UNC13C: variants seen among roughly 807,000 people sequenced by gnomAD.
UNC13C encodes unc-13 homolog C.
A neutral mutation model predicts 245.4 loss-of-function variants in UNC13C; 174 were observed. The observed-to-expected ratio is 0.71, with a 90% CI of 0.63 to 0.80. UNC13C has a LOEUF of 0.80. Ranked by LOEUF, UNC13C falls within the 30% of genes least tolerant of loss-of-function variation. The probability of loss-of-function intolerance (pLI) is 0.00; values close to 1 mark genes in which losing one functional copy is unlikely to be tolerated. For synonymous variants in UNC13C, 992 were observed against 895.1 expected (o/e 1.11, Z -1.93); for missense variants, 2,829 against 2,602.9 (o/e 1.09, Z -1.89).
At chr15:54,630,177 C>T (rs933130099), downstream of UNC13C, 17 of 152,162 alleles carry the variant, frequency 1.1e-4, no homozygotes, top group African/African-American at 3.9e-4. Context: ...TAAAGATACA[C>T]GTGTAAATCA....
intron 4 of UNC13C, among the ~76,000 whole-genome samples, chr15:54,227,809 G>A (rs1205314151): frequency 1.3e-5 from 2 of 152,188 alleles, no homozygotes; most frequent in African/African-American, 2.4e-5. Flanking sequence ...CTTGAAGCCG[G>A]TATAGTACTG....
intron 10 of UNC13C, among the ~76,000 whole-genome samples, chr15:54,276,375 A>G (rs1596128938): frequency 6.6e-6 from 1 of 152,206 alleles, no homozygotes; most frequent in African/African-American, 2.4e-5. Flanking sequence ...CAGAGTCAGT[A>G]TTCCACTAAT....
chr15:54,568,099 A>G (rs965119162), intron 30 of UNC13C, among the ~76,000 whole-genome samples, 152 bp downstream of exon 30: 6 of 152,044 alleles, frequency 3.9e-5, no homozygotes, highest in African/African-American at 7.2e-5. Flanking sequence ...GAGAATACCA[A>G]TTTTTTTAGT....
rs555507880 is a variant in UNC13C, at chr15:54,355,452, G to GT, written c.4713+16964dup. 5.3e-3 allele frequency among the ~76,000 whole-genome samples: 811 copies of GT among 152,082 alleles called. 1 individual carries two copies. The highest frequency in any genetic ancestry group is 8.2e-3 in the Non-Finnish European group (561 of 68,002). ...GCTCACTGCAACCTCTGCCTCCCGG[G>GT]TGCAAGCTATTCTCCTGCCTCAGCC... On this transcript the variant is annotated intron_variant, in intron 17 of 32. Coordinates refer to ENST00000260323, the MANE Select transcript of UNC13C (RefSeq NM_001080534.3).
intron 17 of UNC13C, among the ~76,000 whole-genome samples, chr15:54,354,958 T>C (rs1043500043): frequency 6.6e-6 from 1 of 152,168 alleles, no homozygotes; most frequent in Non-Finnish European, 1.5e-5. Context: ...ATTTCATTTA[T>C]GAATTATTGT....
chr15:54,575,878 A>G (rs574355883), intron 30 of UNC13C, among the ~76,000 whole-genome samples: 1 of 152,292 alleles, frequency 6.6e-6, no homozygotes, highest in Non-Finnish European at 1.5e-5. Context: ...AACTGAGGAG[A>G]ATCTGTGAAA....
chr15:54,455,239 G>GATATATATAAC lies in UNC13C; in HGVS notation c.4934-39369_4934-39368insATATATATAAC, dbSNP rs1567289288. Among the ~76,000 whole-genome samples, 2 of 57,670 alleles carry GATATATATAAC rather than the reference G, an allele frequency of 3.5e-5. 1 individual carries two copies. Among genetic ancestry groups the GATATATATAAC allele is most frequent in the Non-Finnish European group, 7.0e-5 (2 of 28,374 alleles). The allele number at this position is 57,670 out of a possible 152,430, so 37.8% of individuals were successfully genotyped here. A position where few individuals can be genotyped will look rare whatever the true frequency, so the allele number is the denominator to read the frequency against. ...TATATATATATATATATATATATAT[G>GATATATATAAC]TTTTTTAATCCACTCATTGGTAGAT... On this transcript the variant is annotated intron_variant, in intron 19 of 32. Coordinates refer to ENST00000260323, the MANE Select transcript of UNC13C (RefSeq NM_001080534.3).
chr15:53,842,900 T>TA, the UNC13C span, among the ~76,000 whole-genome samples: 25 of 145,942 alleles, frequency 1.7e-4, no homozygotes, highest in South Asian at 4.3e-4. Context: ...ATTTTAAGTT[T>TA]TATATATATA....
At chr15:54,360,921 AT>A (rs1400453488) in intron 17 of UNC13C, among the ~76,000 whole-genome samples, 1 of 152,044 alleles carries the variant, frequency 6.6e-6, no homozygotes, top group Non-Finnish European at 1.5e-5. Context: ...TAATGTGATT[AT>A]TATTTGCCTT....
the UNC13C span, among the ~76,000 whole-genome samples, chr15:53,970,039 G>A: frequency 2.7e-5 from 4 of 150,666 alleles, no homozygotes; most frequent in Non-Finnish European, 1.5e-5. Flanking sequence ...ACTATAGCTT[G>A]TGACAAGTTT....
intron 19 of UNC13C, among the ~76,000 whole-genome samples, chr15:54,441,308 T>C (rs1169684819): frequency 6.6e-6 from 1 of 152,226 alleles, no homozygotes; most frequent in African/African-American, 2.4e-5. Flanking sequence ...TCAGGTCTTA[T>C]GTTTAGGTGT....
intron 30 of UNC13C, among the ~76,000 whole-genome samples, chr15:54,579,744 G>A (rs1231636183): frequency 1.3e-5 from 2 of 152,086 alleles, no homozygotes; most frequent in East Asian, 1.9e-4. Flanking sequence ...GGGCGACAGA[G>A]CAAGACTCTG....
chr15:54,462,447 G>T (rs1440423166), intron 19 of UNC13C, among the ~76,000 whole-genome samples: 4 of 152,320 alleles, frequency 2.6e-5, no homozygotes, highest in South Asian at 2.1e-4. Context: ...TTGCAGGGAG[G>T]TGTGGAGGGA....
intron 4 of UNC13C, among the ~76,000 whole-genome samples, chr15:54,183,134 G>A (rs1211096362): frequency 6.6e-6 from 1 of 151,464 alleles, no homozygotes; most frequent in Non-Finnish European, 1.5e-5. Context: ...GGTGAAATAG[G>A]GGGACAAAAG....
chr15:53,866,089 T>C, the UNC13C span, among the ~76,000 whole-genome samples: 10 of 152,226 alleles, frequency 6.6e-5, no homozygotes, highest in Non-Finnish European at 1.5e-4. Context: ...GTAAAAAGTA[T>C]GTGGTAAACA....
intron 32 of UNC13C, among the ~76,000 whole-genome samples, chr15:54,626,146 G>C (rs1901126656): frequency 7.0e-6 from 1 of 141,958 alleles, no homozygotes; most frequent in Non-Finnish European, 1.6e-5. Context: ...AAGACAGACT[G>C]TATCTACCAT....
intron 2 of UNC13C, among the ~76,000 whole-genome samples, chr15:54,077,483 A>C (rs1472917579): frequency 7.3e-6 from 1 of 136,192 alleles, no homozygotes; most frequent in Non-Finnish European, 1.5e-5. Flanking sequence ...GGTTCAAGGG[A>C]TTCTCCTGCC....
At chr15:53,843,526 T>G in the UNC13C span, among the ~76,000 whole-genome samples, 1 of 152,116 alleles carries the variant, frequency 6.6e-6, no homozygotes, top group African/African-American at 2.4e-5. Flanking sequence ...GTGTTTTACT[T>G]ATTTTTTTAT....
intron 2 of UNC13C, among the ~76,000 whole-genome samples, chr15:54,123,608 A>G (rs1432315951): frequency 1.3e-5 from 2 of 152,090 alleles, no homozygotes; most frequent in African/African-American, 2.4e-5. Flanking sequence ...ATTCATAGGA[A>G]GTTATAGAGA....
Sources: allele counts gnomAD v4.1 joint callset (sites outside exome capture counted in the v4.1 genomes callset), GRCh38; gene constraint gnomAD v4.1.1; transcripts MANE v1.5; gene names NCBI Gene and HGNC (gene_info 2026-07-23, HGNC 2026-07-21).